The following CHAT variants were observed in gnomAD, a reference collection of about 807,000 sequenced individuals.
CHAT encodes the protein acetyl CoA:choline O-acetyltransferase.
In CHAT, 61 loss-of-function variants were observed where a neutral mutation model predicts 76.9. The ratio of observed to expected loss-of-function variants is 0.79; its 90% confidence interval spans 0.65 to 0.98. The LOEUF is 0.98. CHAT is among the 50% of genes least tolerant of loss of function. The pLI is 0.00. For missense variants in CHAT, 946 were observed against 986.9 expected, an observed-to-expected ratio of 0.96 and a Z score of 0.56; for synonymous variants, 407 against 397.4, an observed-to-expected ratio of 1.02 and a Z score of -0.29.
At chr10:49,653,248 G>C (rs1394664022) in intron 11 of CHAT, among the ~76,000 whole-genome samples, 1 of 152,058 alleles carries the variant, frequency 6.6e-6, no homozygotes, top group African/African-American at 2.4e-5. Context: ...GGGAAGGGGT[G>C]AATAGTAGGG....
In CHAT at chr10:49,627,670, G is replaced by C; in HGVS notation, c.996G>C (p.Gln332His). 6.2e-7 allele frequency: 1 copy of C among 1,614,178 alleles called. No individual in the cohort carries two copies. The highest frequency in any genetic ancestry group is 8.5e-7 in the Non-Finnish European group (1 of 1,179,998). ...RRLSEGDLFT[Q>H]LRKIVKMASN... ...TCAGTGAGGGGGATCTGTTCACTCAGTTGAGAAAGATAGTCAAAATGGCTT... is the reference window on the plus strand; with the variant it reads ...TCAGTGAGGGGGATCTGTTCACTCACTTGAGAAAGATAGTCAAAATGGCTT... Residue 332 changes from glutamine to histidine, a missense_variant, in exon 7 of 15, where the codon CAG becomes CAC. By Grantham distance (24) the Gln-to-His change is conservative. This residue lies in a region of CHAT where 548 missense variants were observed against 516.2 expected (regional missense o/e 1.06). Transcript: ENST00000337653.
At chr10:49,618,620 A>G (rs1481316914) in intron 2 of CHAT, among the ~76,000 whole-genome samples, 1 of 152,066 alleles carries the variant, frequency 6.6e-6, no homozygotes, top group Non-Finnish European at 1.5e-5. Context: ...CAGCTGCTCC[A>G]CTCTCTGGGA....
chr10:49,627,369 C>T (rs1487990537), intron 6 of CHAT, among the ~76,000 whole-genome samples: 1 of 152,226 alleles, frequency 6.6e-6, no homozygotes, highest in African/African-American at 2.4e-5. Flanking sequence ...ATTCCGTGAA[C>T]CATGAAACAC....
intron 5 of CHAT, among the ~76,000 whole-genome samples, 164 bp downstream of exon 5, chr10:49,622,314 T>C (rs1055213565): frequency 1.3e-5 from 2 of 152,228 alleles, no homozygotes; most frequent in African/African-American, 4.8e-5. Flanking sequence ...GGATGACCTT[T>C]AGCCTGGCTG....
intron 2 of CHAT, among the ~76,000 whole-genome samples, chr10:49,618,587 C>T (rs1042143324): frequency 2.6e-5 from 4 of 152,196 alleles, no homozygotes; most frequent in African/African-American, 9.7e-5. Flanking sequence ...AGTCTGCCAT[C>T]AGATTTGTAT....
intron 7 of CHAT, among the ~76,000 whole-genome samples, chr10:49,631,770 T>C (rs1222838111): frequency 6.6e-6 from 1 of 151,664 alleles, no homozygotes; most frequent in African/African-American, 2.4e-5. Context: ...GGTGCAGGGG[T>C]GAGACTGTCA....
upstream of CHAT, chr10:49,612,227 C>T (rs147348659): frequency 4.4e-6 from 7 of 1,609,084 alleles, no homozygotes; most frequent in Admixed American, 6.7e-5. Context: ...CTGTACGATG[C>T]GGTGCGCCTG....
chr10:49,611,887 C>T, upstream of CHAT: 2 of 1,610,530 alleles, frequency 1.2e-6, no homozygotes, highest in East Asian at 2.2e-5. Context: ...CTTCGCGCCG[C>T]TAGTGGTCTC....
At chr10:49,612,209 C>T (rs920596924), upstream of CHAT, 3 of 1,609,144 alleles carry the variant, frequency 1.9e-6, no homozygotes, top group Admixed American at 1.7e-5. Context: ...GATGAGCCAC[C>T]GCAAGGTCTG....
At chr10:49,627,900 C>T in intron 7 of CHAT, 115 bp downstream of exon 7, 1 of 1,228,752 alleles carries the variant, frequency 8.1e-7, no homozygotes, top group Non-Finnish European at 1.2e-6. Flanking sequence ...TGTGGGAGCT[C>T]AGGGCCCACA....
intron 13 of CHAT, among the ~76,000 whole-genome samples, chr10:49,656,259 A>G (rs1404233570): frequency 6.8e-6 from 1 of 146,048 alleles, no homozygotes; most frequent in East Asian, 2.0e-4. Context: ...GGGAAAACAT[A>G]GCACCCACTC....
At chr10:49,647,359 C>A (rs1839705598) in intron 8 of CHAT, among the ~76,000 whole-genome samples, 1 of 152,196 alleles carries the variant, frequency 6.6e-6, no homozygotes, top group African/African-American at 2.4e-5. Context: ...TTTATTCCCC[C>A]AACATGCCAA....
chr10:49,611,036 C>T (rs778997596), upstream of CHAT: 2 of 1,613,958 alleles, frequency 1.2e-6, no homozygotes, highest in African/African-American at 1.3e-5. Context: ...AACACCTCGG[C>T]GTCCCCGACA....
intron 10 of CHAT, 158 bp from the exon 11 acceptor site, chr10:49,651,726 T>A: frequency 5.8e-6 from 4 of 685,516 alleles, no homozygotes; most frequent in Non-Finnish European, 9.8e-6. Context: ...GGTCAAGGCA[T>A]GTCTCTGACA....
In CHAT at chr10:49,667,171, G is replaced by GTAGC. The variant is rs141989100; in HGVS notation, c.*2128_*2131dup. 1.8e-4 allele frequency among the ~76,000 whole-genome samples: 27 copies of GTAGC among 152,328 alleles called. No individual in the cohort carries two copies. The highest frequency in any genetic ancestry group is 3.2e-4 in the Non-Finnish European group (22 of 68,034). On this transcript the variant is annotated 3_prime_UTR_variant, in exon 15 of 15. Transcript: ENST00000337653. ...CTTTGTCTGGAGTCTGCCAGCAGCA[G>GTAGC]TAGCTAATGTCTAAAAGACACAGGG...
intron 10 of CHAT, among the ~76,000 whole-genome samples, chr10:49,650,350 A>ATAC (rs1372025080): frequency 5.3e-5 from 8 of 152,168 alleles, no homozygotes; most frequent in Admixed American, 5.2e-4. Flanking sequence ...AAAACATGTG[A>ATAC]TACAGTAAGA....
chr10:49,647,178 C>A, intron 8 of CHAT: 1 of 179,564 alleles, frequency 5.6e-6, no homozygotes, highest in Admixed American at 5.4e-5. Flanking sequence ...GTAGAACAGC[C>A]CAGCATCTCC....
At chr10:49,648,660 C>A in intron 9 of CHAT, 53 bp downstream of exon 9, 2 of 1,206,260 alleles carry the variant, frequency 1.7e-6, no homozygotes, top group South Asian at 2.5e-5. Flanking sequence ...TGTGGGTGGT[C>A]GCTGGGGGCT....
intron 11 of CHAT, 104 bp downstream of exon 11, chr10:49,652,110 G>A: frequency 1.3e-6 from 2 of 1,499,050 alleles, no homozygotes; most frequent in Non-Finnish European, 1.8e-6. Flanking sequence ...GCCTTCTGTG[G>A]GCCTGGAAGA....
Sources: gnomAD v4.1 joint callset for allele counts (sites outside exome capture counted in the v4.1 genomes callset) on GRCh38, gnomAD v4.1.1 for gene constraint, gnomAD v4.1.1 regional missense constraint, MANE v1.5 for transcripts, NCBI Gene and HGNC (gene_info 2026-07-23, HGNC 2026-07-21) for gene names.